The following GALC variants were observed in gnomAD, a reference collection of about 807,000 sequenced individuals.
GALC encodes galactocerebrosidase.
In GALC, 77 loss-of-function variants were observed where a neutral mutation model predicts 91.8. The observed-to-expected ratio is 0.84, with a 90% confidence interval of 0.70 to 1.01. The LOEUF (loss-of-function observed/expected upper bound fraction) is 1.01, where lower values mean the gene tolerates loss of function less well. Among genes scored for constraint, GALC ranks in the 50% least tolerant of loss-of-function variants. The pLI, the probability that GALC is intolerant of heterozygous loss-of-function variation, is 0.00. For synonymous variants in GALC, 357 were observed against 306.7 expected, an observed-to-expected ratio of 1.16 and a Z score of -1.71; for missense variants, 882 against 855.9, an observed-to-expected ratio of 1.03 and a Z score of -0.38.
rs917319804 is a variant in GALC, at chr14:87,960,988, CTTTT to C, written c.1161+2392_1161+2395del. ...AAGTGGGCTTCATCACAATTTAAAACTTTTTTTAATTCAAAGGGTACCATTAAGA... is the reference window on the plus strand; with the variant it reads ...AAGTGGGCTTCATCACAATTTAAAACTTTAATTCAAAGGGTACCATTAAGA... On this transcript the variant is annotated intron_variant, in intron 10 of 16. Transcript: ENST00000261304. 2.7e-5 allele frequency among the ~76,000 whole-genome samples: 4 copies of C among 150,864 alleles called. No individual in the cohort carries two copies. In the Admixed American group the frequency reaches 2.7e-4, roughly 10 times the overall value.
Position 87,941,451 on chromosome 14 carries a change from C to A in GALC, c.1778G>T (p.Arg593Ile). 1.2e-6 allele frequency: 2 copies of A among 1,609,754 alleles called. No homozygotes were observed. Among genetic ancestry groups the A allele is most frequent in the Non-Finnish European group, 1.7e-6 (2 of 1,176,570 alleles). Residue 593 changes from arginine (R) to isoleucine (I), a missense_variant, in exon 15 of 17, where the codon AGA becomes ATA. Physicochemically the swap from Arg to Ile is moderately conservative, Grantham distance 97. Transcript: ENST00000261304. ...NKGGILIRSA[R>I]GIFFWIFANG... ...TGCAAAAATCCAGAAGAAAATTCCT[C>A]TGGCACTTCTAATCAAAATACCACC...
intron 14 of GALC, among the ~76,000 whole-genome samples, chr14:87,944,551 A>G (rs1295712078): frequency 6.6e-6 from 1 of 152,004 alleles, no homozygotes; most frequent in Non-Finnish European, 1.5e-5. Flanking sequence ...AATTCTGCGT[A>G]AAAACACAAG....
chr14:87,956,585 C>CATATATATATACACACACACCAT (rs147592843), intron 10 of GALC, among the ~76,000 whole-genome samples: 3 of 137,150 alleles, frequency 2.2e-5, no homozygotes, highest in African/African-American at 9.2e-5. Context: ...ACACACACAC[C>CATATATATATACACACACACCAT]ATATATATAC....
chr14:87,973,327 A>G (rs1022665877), intron 7 of GALC, among the ~76,000 whole-genome samples: 2 of 152,190 alleles, frequency 1.3e-5, no homozygotes, highest in African/African-American at 2.4e-5. Flanking sequence ...CTTGAAGGTG[A>G]GCATTTAATA....
chr14:87,955,308 T>A, intron 10 of GALC: 1 of 611,634 alleles, frequency 1.6e-6, no homozygotes, highest in Non-Finnish European at 2.9e-6. Context: ...TTTTATTAAA[T>A]ACATTTTACA....
At chr14:87,962,841 C>T (rs575458103) in intron 10 of GALC, among the ~76,000 whole-genome samples, 1 of 152,094 alleles carries the variant, frequency 6.6e-6, no homozygotes, top group South Asian at 2.1e-4. Flanking sequence ...CTGGCTTCTG[C>T]TTCTGCTTCC....
Position 87,933,973 on chromosome 14 carries a change from T to C in GALC, c.*759A>G. The C allele has an allele frequency of 6.5e-7, 1 of 1,533,532 alleles. No individual in the cohort carries two copies. The highest frequency in any genetic ancestry group is 8.7e-7 in the Non-Finnish European group (1 of 1,145,010). The allele number at this position is 1,533,532 out of a possible 1,614,324, so 95.0% of individuals were successfully genotyped here. ...AACGACTACAACAGCATTGGCTATA[T>C]CAGGTTTTCTTCCTTCTTCCAGCCA... On this transcript the variant is annotated 3_prime_UTR_variant, in exon 17 of 17. Transcript: ENST00000261304.
chr14:87,984,688 T>C (rs541808208), intron 4 of GALC, among the ~76,000 whole-genome samples, 155 bp from the exon 5 acceptor site: 1 of 152,374 alleles, frequency 6.6e-6, no homozygotes, highest in Non-Finnish European at 1.5e-5. Context: ...TAAAAATTAT[T>C]GAAATCCTTT....
At position 87,987,808 on chromosome 14, in the gene GALC, C is replaced by T. The variant is rs149863441; in HGVS notation, c.328+336G>A. 397 of 193,476 alleles carry T rather than the reference C, an allele frequency of 2.1e-3. 1 individual carries two copies. The highest frequency in any genetic ancestry group is 3.3e-3 in the Non-Finnish European group (317 of 94,868). 12.0% of individuals were successfully genotyped at this position (193,476 alleles called of 1,614,324 possible). On this transcript the variant is annotated intron_variant, in intron 3 of 16. Coordinates refer to ENST00000261304, the MANE Select transcript of GALC (RefSeq NM_000153.4). ...TTAATAACACTTTTTTTGTTCTATA[C>T]GAAATTAAAATCTTTCTAACTGCTC... is the stretch of plus-strand genomic sequence containing the variant.
chr14:87,992,269 T>C (rs760657734), intron 1 of GALC: 2 of 1,534,592 alleles, frequency 1.3e-6, no homozygotes, highest in South Asian at 2.4e-5. Context: ...AGATGTAATT[T>C]CGGATACAAA....
chr14:87,956,049 A>C (rs998947517), intron 10 of GALC, among the ~76,000 whole-genome samples: 3 of 152,086 alleles, frequency 2.0e-5, no homozygotes, highest in Admixed American at 6.6e-5. Flanking sequence ...ACCACCCCTG[A>C]AAATGAGCTG....
At chr14:87,992,521 G>C in intron 1 of GALC, 1 of 1,529,692 alleles carries the variant, frequency 6.5e-7, no homozygotes, top group Non-Finnish European at 8.7e-7. Flanking sequence ...TCCTCCAAAA[G>C]GGAGAGACAC....
intron 6 of GALC, 57 bp from the exon 7 acceptor site, chr14:87,976,545 A>T: frequency 3.7e-6 from 5 of 1,351,230 alleles, no homozygotes; most frequent in Admixed American, 1.7e-5. Context: ...TTAGCTGTTG[A>T]ATTTATGACC....
intron 9 of GALC, 53 bp from the exon 10 acceptor site, chr14:87,963,564 T>A (rs1336679349): frequency 6.6e-7 from 1 of 1,506,370 alleles, no homozygotes; most frequent in Admixed American, 1.7e-5. Flanking sequence ...TAATAGTATT[T>A]CTTTTGGGAA....
chr14:87,993,363 T>A (rs555166070), upstream of GALC: 16 of 1,535,626 alleles, frequency 1.0e-5, no homozygotes, highest in Admixed American at 9.8e-5. Context: ...GGTCAGCTAC[T>A]GGATTTCACA....
intron 6 of GALC, among the ~76,000 whole-genome samples, chr14:87,981,959 T>A (rs1886768714): frequency 6.6e-6 from 1 of 152,110 alleles, no homozygotes; most frequent in Non-Finnish European, 1.5e-5. Context: ...AATAGAAAAA[T>A]TCAACACAAC....
chr14:87,964,390 T>C (rs1885942334), intron 9 of GALC, among the ~76,000 whole-genome samples: 1 of 152,124 alleles, frequency 6.6e-6, no homozygotes, highest in African/African-American at 2.4e-5. Flanking sequence ...GCATTTTACC[T>C]TTAAAGAAAT....
rs886050867 is a variant in GALC at position 87,988,154 on chromosome 14, C to T, written c.318G>A (p.Gly106=). 9.3e-6 allele frequency: 15 copies of T among 1,613,360 alleles called. No individual in the cohort carries two copies. The highest frequency in any genetic ancestry group is 1.2e-5 in the Non-Finnish European group (14 of 1,179,644). ...CCCAAATTCTCCTACCTGTTGTCTG[C>T]CCATCACCACCTATTTCCACTTTTA... The part of the protein sequence containing the change: ...HILKVEIGGD[G]QTTDGTEPSH... The change falls in exon 3 of 17, where the codon GGG becomes GGA. Residue 106 remains glycine (G), a synonymous_variant. Transcript: ENST00000261304.
At chr14:87,953,053 G>A in intron 10 of GALC, 2 of 1,380,160 alleles carry the variant, frequency 1.4e-6, no homozygotes, top group Non-Finnish European at 2.1e-6. Context: ...ATTAATATAG[G>A]GCCTGAAGTG....
Sources: allele counts gnomAD v4.1 joint callset (sites outside exome capture counted in the v4.1 genomes callset), GRCh38; gene constraint gnomAD v4.1.1; transcripts MANE v1.5; gene names NCBI Gene and HGNC (gene_info 2026-07-23, HGNC 2026-07-21).